BEST3: variants seen among roughly 807,000 people sequenced by gnomAD.
The protein encoded by BEST3 is bestrophin 3, also known as bestrophin-3.
In BEST3, 50 loss-of-function variants were observed where a neutral mutation model predicts 47.1. The observed-to-expected ratio is 1.06, with a 90% CI of 0.85 to 1.34. The LOEUF is 1.34. BEST3 is among the 40% of genes most tolerant of loss of function. The probability of loss-of-function intolerance (pLI) is 0.00; values close to 1 mark genes in which losing one functional copy is unlikely to be tolerated. For synonymous variants in BEST3, 282 were observed against 298.8 expected (o/e 0.94, Z 0.58); for missense variants, 765 against 817.0 (o/e 0.94, Z 0.78).
At chr12:69,651,565 G>T (rs371677778), downstream of BEST3, among the ~76,000 whole-genome samples, 15 of 152,210 alleles carry the variant, frequency 9.9e-5, no homozygotes, top group African/African-American at 3.4e-4. Flanking sequence ...TTGAGGTCAG[G>T]AGTTCAAGAC....
chr12:69,663,975 T>C (rs1884026575), intron 9 of BEST3, among the ~76,000 whole-genome samples: 1 of 152,376 alleles, frequency 6.6e-6, no homozygotes, highest in Non-Finnish European at 1.5e-5. Context: ...CAAGAAATAC[T>C]TTTTCATTGC....
chr12:69,662,157 T>C (rs934569057), intron 9 of BEST3, among the ~76,000 whole-genome samples: 3 of 152,220 alleles, frequency 2.0e-5, no homozygotes, highest in Admixed American at 2.0e-4. Flanking sequence ...TCTAAAATTA[T>C]AAACTTAATG....
intron 9 of BEST3, among the ~76,000 whole-genome samples, chr12:69,657,193 T>G (rs1883556845): frequency 6.6e-6 from 1 of 152,042 alleles, no homozygotes; most frequent in Non-Finnish European, 1.5e-5. Context: ...TCTCCCAGGT[T>G]CAAGTGATTC....
intron 4 of BEST3, chr12:69,683,454 C>T (rs941566686): frequency 6.6e-6 from 1 of 152,220 alleles, no homozygotes; most frequent in South Asian, 2.1e-4. Context: ...AAGTTGGGAA[C>T]TGCTTACGGC....
intron 4 of BEST3, among the ~76,000 whole-genome samples, chr12:69,681,369 C>A (rs1485311733): frequency 6.6e-6 from 1 of 152,118 alleles, no homozygotes; most frequent in Non-Finnish European, 1.5e-5. Flanking sequence ...ATAATCCCAG[C>A]ACTTTGGGAG....
chr12:69,647,822 T>C (rs1883087430), intron 9 of BEST3, among the ~76,000 whole-genome samples: 1 of 151,970 alleles, frequency 6.6e-6, no homozygotes, highest in Non-Finnish European at 1.5e-5. Context: ...ACACAAAGGA[T>C]CAGAAAAGAC....
chr12:69,685,937 C>T (rs1324976418), intron 4 of BEST3, among the ~76,000 whole-genome samples: 1 of 152,180 alleles, frequency 6.6e-6, no homozygotes, highest in Non-Finnish European at 1.5e-5. Flanking sequence ...TTTGCATGCA[C>T]TTTCTCTCAT....
intron 4 of BEST3, among the ~76,000 whole-genome samples, chr12:69,685,098 C>A (rs1885500929): frequency 6.6e-6 from 1 of 151,822 alleles, no homozygotes; most frequent in Non-Finnish European, 1.5e-5. Flanking sequence ...ATTTAAGAAT[C>A]CCATAATGAG....
intron 1 of BEST3, among the ~76,000 whole-genome samples, 157 bp downstream of exon 1, chr12:69,699,048 C>G (rs1209029619): frequency 6.6e-6 from 1 of 152,198 alleles, no homozygotes; most frequent in Non-Finnish European, 1.5e-5. Flanking sequence ...ATAATTTGTT[C>G]TCATGGACTC....
chr12:69,698,213 G>C lies in BEST3; in HGVS notation c.-15-400C>G, dbSNP rs563018704. 6.0e-4 allele frequency among the ~76,000 whole-genome samples: 92 copies of C among 152,298 alleles called. 1 individual carries two copies. The highest frequency in any genetic ancestry group is 5.4e-3 in the South Asian group (26 of 4,822). On this transcript the variant is annotated intron_variant, in intron 1 of 9. Transcript: ENST00000330891. Reference sequence around the variant, plus strand: ...TAGTGGAGGTCCAAATGCATCGTTAGCACTCATTGCATTTCAAAAGTCAGC... The same window carrying C: ...TAGTGGAGGTCCAAATGCATCGTTACCACTCATTGCATTTCAAAAGTCAGC...
chr12:69,691,653 G>A (rs1261065211), intron 4 of BEST3, among the ~76,000 whole-genome samples: 8 of 152,092 alleles, frequency 5.3e-5, no homozygotes, highest in Non-Finnish European at 8.8e-5. Context: ...TTAGCCAGGC[G>A]TGGTGGTGTG....
At chr12:69,660,057 A>T (rs973240633) in intron 9 of BEST3, 8 of 152,168 alleles carry the variant, frequency 5.3e-5, no homozygotes, top group African/African-American at 1.9e-4. Flanking sequence ...CAGAGCCAGG[A>T]TTGCTGTGTC....
intron 7 of BEST3, among the ~76,000 whole-genome samples, chr12:69,674,138 G>GA (rs1413554727): frequency 1.3e-5 from 2 of 151,934 alleles, no homozygotes; most frequent in Non-Finnish European, 2.9e-5. Context: ...AGTCTAGATG[G>GA]AAAAAAATTT....
chr12:69,694,228 C>G (rs987982147), intron 3 of BEST3, 142 bp downstream of exon 3: 1 of 619,652 alleles, frequency 1.6e-6, no homozygotes, highest in Non-Finnish European at 2.8e-6. Flanking sequence ...GAAGGCAAAC[C>G]TTATGGATGA....
intron 4 of BEST3, among the ~76,000 whole-genome samples, chr12:69,686,779 C>CGAAAAAAAAAAAAAA (rs1555208517): frequency 1.7e-4 from 17 of 99,374 alleles, no homozygotes; most frequent in South Asian, 5.7e-4. Context: ...CTCAAAAAAA[C>CGAAAAAAAAAAAAAA]AAAAAAAAAA....
At chr12:69,657,901 C>T (rs939845642) in intron 9 of BEST3, among the ~76,000 whole-genome samples, 1 of 152,198 alleles carries the variant, frequency 6.6e-6, no homozygotes, top group Non-Finnish European at 1.5e-5. Flanking sequence ...CTGACCCACC[C>T]TCCACTGTGT....
At chr12:69,690,049 C>T (rs1445529122) in intron 4 of BEST3, among the ~76,000 whole-genome samples, 1 of 152,182 alleles carries the variant, frequency 6.6e-6, no homozygotes, top group African/African-American at 2.4e-5. Context: ...ACTGCAGATT[C>T]CTAGGCCGTA....
Position 69,654,688 on chromosome 12 carries a change from A to T in BEST3, c.*219T>A. The T allele has an allele frequency of 1.5e-6, 2 of 1,310,284 alleles. No homozygotes were observed. Among genetic ancestry groups the T allele is most frequent in the South Asian group, 5.2e-5 (2 of 38,536 alleles). 81.2% of individuals were successfully genotyped at this position (1,310,284 alleles called of 1,614,324 possible). ...ATCACTGTGGTCTGTGTAACTTCTGATGAAAGCCATGTTGTGTTGGATGAC... is the reference window on the plus strand; with the variant it reads ...ATCACTGTGGTCTGTGTAACTTCTGTTGAAAGCCATGTTGTGTTGGATGAC... On this transcript the variant is annotated 3_prime_UTR_variant, in exon 10 of 10. Transcript: ENST00000330891.
In BEST3 at chr12:69,655,147, C is replaced by T. The variant is rs779906074; in HGVS notation, c.1767G>A (p.Arg589=). The change falls in exon 10 of 10, where the codon AGG becomes AGA. Residue 589 remains arginine, a synonymous_variant. Coordinates refer to ENST00000330891, the MANE Select transcript of BEST3 (RefSeq NM_032735.3). ...EEDPGDTFLK[R]WSLPGFLGSS... is the part of the protein sequence containing the mutation. Reference sequence around the variant, plus strand: ...ACCCCAGGAATCCCGGAAGACTCCACCTTTTTAGAAAGGTATCACCAGGGT... The same window carrying T: ...ACCCCAGGAATCCCGGAAGACTCCATCTTTTTAGAAAGGTATCACCAGGGT... The T allele has an allele frequency of 3.7e-6, 6 of 1,614,024 alleles. No individual in the cohort carries two copies. The African/African-American group carries it at 8.0e-5, about 22-fold the overall frequency.
Sources: allele counts gnomAD v4.1 joint callset (sites outside exome capture counted in the v4.1 genomes callset), GRCh38; gene constraint gnomAD v4.1.1; transcripts MANE v1.5; gene names NCBI Gene and HGNC (gene_info 2026-07-23, HGNC 2026-07-21).